Variants in PHF20 observed in about 807,000 individuals in gnomAD.
The protein encoded by PHF20 is glioma-expressed antigen 2.
A neutral mutation model predicts 113.5 loss-of-function variants in PHF20; 23 were observed. That is an observed-to-expected ratio of 0.20 (90% CI 0.15 to 0.29). PHF20 has a LOEUF of 0.29. PHF20 is among the 10% of genes least tolerant of loss of function. The probability of loss-of-function intolerance (pLI) is 1.00; values close to 1 mark genes in which losing one functional copy is unlikely to be tolerated. For synonymous variants in PHF20, 434 were observed against 457.3 expected (o/e 0.95, Z 0.65); for missense variants, 943 against 1,219.6 (o/e 0.77, Z 3.38).
intron 1 of PHF20, among the ~76,000 whole-genome samples, chr20:35,800,793 C>T (rs1348546657): frequency 6.6e-6 from 1 of 151,994 alleles, no homozygotes; most frequent in African/African-American, 2.4e-5. Flanking sequence ...ATAAACAGAC[C>T]TCGTACAGCC....
Position 35,931,336 on chromosome 20 carries a change from A to G in PHF20, c.2192A>G (p.Tyr731Cys). Reference protein sequence around the residue: ...MHGLAFLEENYSHQNAKKIVA... With the variant: ...MHGLAFLEENCSHQNAKKIVA... ...GGCCTGGCATTTCTAGAAGAGAACTACTCCCATCAGAATGCCAAGAAGATC... is the reference window on the plus strand; with the variant it reads ...GGCCTGGCATTTCTAGAAGAGAACTGCTCCCATCAGAATGCCAAGAAGATC... Residue 731 changes from tyrosine to cysteine, a missense_variant, in exon 15 of 18, where the codon TAC (tyrosine) becomes TGC (cysteine). Around this residue, in one of 3 missense-constraint regions of PHF20, gnomAD observed 349 missense variants for 412.3 expected, o/e 0.85. Transcript: ENST00000374012. 6.2e-7 allele frequency: 1 copy of G among 1,613,880 alleles called. No individual in the cohort carries two copies. Among genetic ancestry groups the G allele is most frequent in the Non-Finnish European group, 8.5e-7 (1 of 1,179,914 alleles).
At chr20:35,918,624 G>A (rs940377714) in intron 13 of PHF20, among the ~76,000 whole-genome samples, 1 of 152,206 alleles carries the variant, frequency 6.6e-6, no homozygotes, top group Non-Finnish European at 1.5e-5. Flanking sequence ...CAGAATCTTA[G>A]TCCCAGTTCT....
chr20:35,808,800 C>T (rs2041928083), intron 2 of PHF20, among the ~76,000 whole-genome samples: 1 of 151,548 alleles, frequency 6.6e-6, no homozygotes, highest in South Asian at 2.1e-4. Context: ...TCTCGATCTC[C>T]TGACCTCGTG....
rs2055667990 is a variant in PHF20 at position 35,927,648 on chromosome 20, A to C, written c.2005-132A>C. 5 of 706,758 alleles carry C rather than the reference A, an allele frequency of 7.1e-6. No homozygotes were observed. In the South Asian group the frequency reaches 7.9e-5, roughly 11 times the overall value. 43.8% of individuals were successfully genotyped at this position (706,758 alleles called of 1,614,324 possible). A position where few individuals can be genotyped will look rare whatever the true frequency, so the allele number is the denominator to read the frequency against. On this transcript the variant is annotated intron_variant, in intron 13 of 17. Transcript: ENST00000374012. ...TGTGGCAGCAGCTCAGTTCCACGTT[A>C]GTCAGGAGGGAGTGCTCCTTCCTCC...
At chr20:35,915,793 G>A (rs1006908426) in intron 12 of PHF20, among the ~76,000 whole-genome samples, 2 of 152,100 alleles carry the variant, frequency 1.3e-5, no homozygotes, top group Non-Finnish European at 2.9e-5. Flanking sequence ...TTGATGTAAT[G>A]TTCAAAAATT....
intron 17 of PHF20, 140 bp from the exon 18 acceptor site, chr20:35,947,344 TC>T: frequency 2.7e-6 from 2 of 732,872 alleles, no homozygotes; most frequent in Admixed American, 2.7e-5. Flanking sequence ...TGGCCCTTCC[TC>T]CCTTGCCCCA....
chr20:35,914,487 A>G (rs753677107), intron 12 of PHF20, among the ~76,000 whole-genome samples: 3 of 152,244 alleles, frequency 2.0e-5, no homozygotes, highest in Non-Finnish European at 4.4e-5. Flanking sequence ...AGCATAGACA[A>G]TAAATAAAGA....
chr20:35,842,458 C>T (rs770849033), intron 2 of PHF20, 115 bp from the exon 3 acceptor site: 108 of 890,462 alleles, frequency 1.2e-4, no homozygotes, highest in East Asian at 1.7e-4. Flanking sequence ...AGTCTCTAAA[C>T]GGTAGGCCTG....
chr20:35,789,467 A>C (rs1450073880), intron 1 of PHF20, among the ~76,000 whole-genome samples: 1 of 151,958 alleles, frequency 6.6e-6, no homozygotes, highest in Non-Finnish European at 1.5e-5. Context: ...GTTTATACAA[A>C]GGCCCTGGAG....
At chr20:35,894,776 G>C (rs1162959597) in intron 9 of PHF20, among the ~76,000 whole-genome samples, 1 of 152,188 alleles carries the variant, frequency 6.6e-6, no homozygotes, top group Non-Finnish European at 1.5e-5. Context: ...GAAATAGGCT[G>C]TCCAGCTGCA....
intron 1 of PHF20, among the ~76,000 whole-genome samples, chr20:35,780,247 A>T (rs2041262209): frequency 8.7e-6 from 1 of 115,438 alleles, no homozygotes. Context: ...TTTTTTTGGG[A>T]CGGAGTCTCA....
intron 13 of PHF20, among the ~76,000 whole-genome samples, chr20:35,919,768 G>A (rs1217676514): frequency 6.6e-6 from 1 of 152,048 alleles, no homozygotes; most frequent in African/African-American, 2.4e-5. Flanking sequence ...AGATGTATTT[G>A]CTTTTTTGCC....
At chr20:35,889,009 CTTTTTTTTTT>C (rs566960589) in intron 9 of PHF20, among the ~76,000 whole-genome samples, 25 of 99,212 alleles carry the variant, frequency 2.5e-4, no homozygotes, top group African/African-American at 7.2e-4. Flanking sequence ...CTCTTAGTTT[CTTTTTTTTTT>C]TTTTTTTTTT....
intron 2 of PHF20, among the ~76,000 whole-genome samples, chr20:35,825,257 A>G (rs1232164800): frequency 6.6e-6 from 1 of 152,196 alleles, no homozygotes. Flanking sequence ...CCTGGGCTCA[A>G]GTGATTGTCC....
chr20:35,871,930 C>A, intron 9 of PHF20, 101 bp downstream of exon 9: 1 of 803,962 alleles, frequency 1.2e-6, no homozygotes, highest in Non-Finnish European at 1.9e-6. Context: ...TTGTTTTTCA[C>A]CTTTTATTAA....
At chr20:35,841,870 G>C (rs1324106124) in intron 2 of PHF20, among the ~76,000 whole-genome samples, 1 of 152,146 alleles carries the variant, frequency 6.6e-6, no homozygotes, top group Non-Finnish European at 1.5e-5. Context: ...TGGGTTGCAT[G>C]GTCATTCTGA....
intron 15 of PHF20, among the ~76,000 whole-genome samples, chr20:35,934,705 C>T (rs1331639416): frequency 1.4e-5 from 2 of 141,120 alleles, no homozygotes; most frequent in Non-Finnish European, 3.0e-5. Context: ...CAGGTGGCCA[C>T]AGGCCCTGCT....
chr20:35,871,628 A>G lies in PHF20; in HGVS notation c.1103-22A>G, dbSNP rs568090689. Reference sequence around the variant, plus strand: ...AATTACATACATGTATATTTCCCCCAAACTTTCTTTTTTTCTTCTAGGTCA... The same window carrying G: ...AATTACATACATGTATATTTCCCCCGAACTTTCTTTTTTTCTTCTAGGTCA... On this transcript the variant is annotated intron_variant, in intron 8 of 17. Coordinates refer to ENST00000374012, the MANE Select transcript of PHF20 (RefSeq NM_016436.5). The G allele has an allele frequency of 1.8e-4, 287 of 1,571,474 alleles. 2 individuals are homozygous for G. The South Asian group carries it at 3.2e-3, about 18-fold the overall frequency.
chr20:35,851,882 A>T (rs2042739528), intron 4 of PHF20, among the ~76,000 whole-genome samples: 3 of 150,982 alleles, frequency 2.0e-5, no homozygotes. Flanking sequence ...ACCATACTGC[A>T]CTCTAGCCTG....
Sources: gnomAD v4.1 joint callset for allele counts (sites outside exome capture counted in the v4.1 genomes callset) on GRCh38, gnomAD v4.1.1 for gene constraint, gnomAD v4.1.1 regional missense constraint, MANE v1.5 for transcripts, NCBI Gene and HGNC (gene_info 2026-07-23, HGNC 2026-07-21) for gene names.